SLC8A2: variants seen among roughly 807,000 people sequenced by gnomAD.
SLC8A2 encodes solute carrier family 8 member A2, also known as sodium/calcium exchanger 2.
In SLC8A2, 14 loss-of-function variants were observed where a neutral mutation model predicts 70.2. The ratio of observed to expected loss-of-function variants is 0.20; its 90% confidence interval spans 0.13 to 0.31. The LOEUF is 0.31. SLC8A2 is among the 10% of genes least tolerant of loss of function. SLC8A2 has a pLI of 1.00. For missense variants in SLC8A2, 779 were observed against 1,320.1 expected (o/e 0.59, Z 6.35); for synonymous variants, 575 against 594.3 (o/e 0.97, Z 0.47).
chr19:47,451,974 G>A (rs1161384245), intron 3 of SLC8A2, among the ~76,000 whole-genome samples: 1 of 152,116 alleles, frequency 6.6e-6, no homozygotes, highest in Non-Finnish European at 1.5e-5. Context: ...GGGCAGGAGT[G>A]AAAATACAGC....
At chr19:47,438,107 C>A in intron 6 of SLC8A2, 134 bp from the exon 7 acceptor site, 1 of 1,048,708 alleles carries the variant, frequency 9.5e-7, no homozygotes, top group Non-Finnish European at 1.4e-6. Context: ...TGACTCCTCC[C>A]AGCCTCCCAC....
Position 47,430,830 on chromosome 19 carries a change from G to GA in SLC8A2, c.2390-366dup, listed in dbSNP as rs1304128956. Among the ~76,000 whole-genome samples, 1 of 152,046 alleles carries GA rather than the reference G, an allele frequency of 6.6e-6. No individual in the cohort carries two copies. The highest frequency in any genetic ancestry group is 3.2e-3 in the Middle Eastern group (1 of 316). On this transcript the variant is annotated intron_variant, in intron 9 of 9. Transcript: ENST00000236877. The surrounding 1 kb of genome is among the most constrained non-coding windows in gnomAD (Gnocchi z 5.9). Reference sequence around the variant, plus strand: ...CAACTTCCGCCTCCCAGGTTCAAGCGATTCTCTTGCCGGAGCCTCTGAGTA... The same window carrying GA: ...CAACTTCCGCCTCCCAGGTTCAAGCGAATTCTCTTGCCGGAGCCTCTGAGTA...
chr19:47,461,219 C>T (rs528544711), intron 2 of SLC8A2, among the ~76,000 whole-genome samples: 2 of 149,152 alleles, frequency 1.3e-5, no homozygotes, highest in East Asian at 4.0e-4. Flanking sequence ...GATGACAAGG[C>T]CCCCGAAGGC....
intron 1 of SLC8A2, among the ~76,000 whole-genome samples, chr19:47,470,942 CT>C (rs1967529571): frequency 6.6e-6 from 1 of 151,818 alleles, no homozygotes; most frequent in Non-Finnish European, 1.5e-5. Flanking sequence ...GACTCCAGGC[CT>C]GGGGGAGCCC....
In SLC8A2 at chr19:47,429,700, G is replaced by A. The variant is rs1171875038; in HGVS notation, c.*389C>T. On this transcript the variant is annotated 3_prime_UTR_variant, in exon 10 of 10. Transcript: ENST00000236877. Reference sequence around the variant, plus strand: ...GGGTGAAGTGGGGGGGGGGTCACTAGGGGAAGGGAGACTTTGGGGGCAAAG... The same window carrying A: ...GGGTGAAGTGGGGGGGGGGTCACTAAGGGAAGGGAGACTTTGGGGGCAAAG... 9.2e-6 allele frequency: 2 copies of A among 217,214 alleles called. No individual in the cohort carries two copies. Among genetic ancestry groups the A allele is most frequent in the African/African-American group, 2.3e-5 (1 of 42,584 alleles). The allele number at this position is 217,214 out of a possible 1,614,324, so 13.5% of individuals were successfully genotyped here. A position where few individuals can be genotyped will look rare whatever the true frequency, so the allele number is the denominator to read the frequency against.
chr19:47,451,568 C>G (rs1967235842), intron 3 of SLC8A2, among the ~76,000 whole-genome samples: 1 of 152,228 alleles, frequency 6.6e-6, no homozygotes, highest in South Asian at 2.1e-4. Context: ...CTTGGGCTCC[C>G]AAAGTGCTGG....
In SLC8A2 at chr19:47,437,436, C is replaced by T. The variant is rs1410076175; in HGVS notation, c.2110+26G>A. On this transcript the variant is annotated intron_variant, in intron 8 of 9. Coordinates refer to ENST00000236877, the MANE Select transcript of SLC8A2 (RefSeq NM_015063.3). ...TGTCTCTGTCTCTCCATCTTTCTCT[C>T]TTCTCTCTCCTCCCTCCCCACTTAC... 4.1e-5 allele frequency: 59 copies of T among 1,422,830 alleles called. No homozygotes were observed. The East Asian group carries it at 1.2e-3, about 30-fold the overall frequency. 88.1% of individuals were successfully genotyped at this position (1,422,830 alleles called of 1,614,324 possible).
Position 47,465,939 on chromosome 19 carries a change from G to A in SLC8A2, c.465C>T (p.Phe155=). The change falls in exon 2 of 10, where the codon TTC becomes TTT. Residue 155 remains phenylalanine (F), a synonymous_variant. Coordinates refer to ENST00000236877, the MANE Select transcript of SLC8A2 (RefSeq NM_015063.3). This position sits in a 1 kb window ranked among gnomAD's most constrained non-coding sequence, Gnocchi z 5.5. ...LSVIEVCGHN[F]QAGELGPGTI... ...TGCCTGGGCCCAGCTCACCCGCCTG[G>A]AAGTTGTGGCCGCAGACTTCGATGA... 1 of 1,614,182 alleles carries A rather than the reference G, an allele frequency of 6.2e-7. No individual in the cohort carries two copies. The highest frequency in any genetic ancestry group is 8.5e-7 in the Non-Finnish European group (1 of 1,180,040).
At chr19:47,463,155 C>T (rs1223015032) in intron 2 of SLC8A2, among the ~76,000 whole-genome samples, 5 of 150,612 alleles carry the variant, frequency 3.3e-5, no homozygotes, top group Non-Finnish European at 5.9e-5. Flanking sequence ...TTTTTTGAGA[C>T]GGAGTCTCGC....
At chr19:47,437,611 G>C in intron 7 of SLC8A2, 50 bp from the exon 8 acceptor site, 1 of 1,446,314 alleles carries the variant, frequency 6.9e-7, no homozygotes, top group Non-Finnish European at 9.7e-7. Context: ...GCGAACCAGG[G>C]AAGCTCCATG....
intron 3 of SLC8A2, among the ~76,000 whole-genome samples, chr19:47,452,907 C>T (rs1967262131): frequency 6.6e-6 from 1 of 152,036 alleles, no homozygotes; most frequent in Non-Finnish European, 1.5e-5. Flanking sequence ...GCGGTGCACA[C>T]CTGTAATCCC....
chr19:47,454,600 C>A (rs1057325101), intron 3 of SLC8A2, among the ~76,000 whole-genome samples: 1 of 151,962 alleles, frequency 6.6e-6, no homozygotes. Context: ...TGCAGTAAGC[C>A]AGGAAGGCTG....
At chr19:47,438,197 C>T (rs1439902019) in intron 6 of SLC8A2, among the ~76,000 whole-genome samples, 1 of 152,056 alleles carries the variant, frequency 6.6e-6, no homozygotes, top group African/African-American at 2.4e-5. Flanking sequence ...CTCTGGGGTT[C>T]GTATGGTGGA....
intron 2 of SLC8A2, among the ~76,000 whole-genome samples, chr19:47,459,204 T>TTC (rs71334204): frequency 0.021 from 3,238 of 151,332 alleles, 57 homozygotes; most frequent in Non-Finnish European, 0.027. Flanking sequence ...CTCCATCTCG[T>TTC]TCTCTCTCTC....
At position 47,441,344 on chromosome 19, in the gene SLC8A2, C is replaced by T; in HGVS notation, c.1860G>A (p.Gly620=). ...CCACTGGTCACCCCTCACCTGAAATCCCTCGCTTAAGCCACTGGGGCTGGC... is the reference window on the plus strand; with the variant it reads ...CCACTGGTCACCCCTCACCTGAAATTCCTCGCTTAAGCCACTGGGGCTGGC... ...ELGQPQWLKR[G]ISALLLNQGD... is the part of the protein sequence containing the mutation. The change falls in exon 5 of 10, where the codon GGG becomes GGA. Residue 620 remains glycine, a synonymous_variant. Transcript: ENST00000236877. The T allele has an allele frequency of 1.9e-6, 3 of 1,612,414 alleles. No homozygotes were observed. The highest frequency in any genetic ancestry group is 1.3e-5 in the African/African-American group (1 of 75,016).
intron 4 of SLC8A2, among the ~76,000 whole-genome samples, chr19:47,443,055 C>T (rs1168873463): frequency 6.6e-6 from 1 of 152,118 alleles, no homozygotes; most frequent in Non-Finnish European, 1.5e-5. Context: ...TTACCATTTG[C>T]TTCCCCATCT....
Position 47,452,458 on chromosome 19 carries a change from G to GTA in SLC8A2, c.1341-4228_1341-4227insTA, listed in dbSNP as rs1568444624. Among the ~76,000 whole-genome samples, 45 of 135,244 alleles carry GTA rather than the reference G, an allele frequency of 3.3e-4. 2 individuals carry two copies. In the South Asian group the frequency reaches 5.9e-3, roughly 18 times the overall value. The allele number at this position is 135,244 out of a possible 152,430, so 88.7% of individuals were successfully genotyped here. On this transcript the variant is annotated intron_variant, in intron 3 of 9. Transcript: ENST00000236877. ...AGAGAGAGAGAGAGTGTGTGTGTGT[G>GTA]TGTGTGTGTGTGTGTGTGTGTGTGT... is the stretch of plus-strand genomic sequence containing the variant.
chr19:47,455,287 A>C (rs1323429969), intron 3 of SLC8A2, among the ~76,000 whole-genome samples: 1 of 152,120 alleles, frequency 6.6e-6, no homozygotes, highest in Non-Finnish European at 1.5e-5. Context: ...CCCAGGGAGA[A>C]GATTAAAGGG....
chr19:47,452,445 A>AGTGT lies in SLC8A2; in HGVS notation c.1341-4218_1341-4215dup, dbSNP rs1158828688. Among the ~76,000 whole-genome samples, 62 of 54,092 alleles carry AGTGT rather than the reference A, an allele frequency of 1.1e-3. 1 individual carries two copies. The highest frequency in any genetic ancestry group is 4.3e-3 in the African/African-American group (47 of 10,984). 35.5% of individuals were successfully genotyped at this position (54,092 alleles called of 152,430 possible). On this transcript the variant is annotated intron_variant, in intron 3 of 9. Coordinates refer to ENST00000236877, the MANE Select transcript of SLC8A2 (RefSeq NM_015063.3). The stretch of plus-strand genomic sequence containing the variant: ...GAGAGAGAGAGAGAGAGAGAGAGAG[A>AGTGT]GTGTGTGTGTGTGTGTGTGTGTGTG...
Sources: gnomAD v4.1 joint callset for allele counts (sites outside exome capture counted in the v4.1 genomes callset) on GRCh38, gnomAD v4.1.1 for gene constraint, Gnocchi (gnomAD v3.1) non-coding constraint, MANE v1.5 for transcripts, NCBI Gene and HGNC (gene_info 2026-07-23, HGNC 2026-07-21) for gene names.